Variants in ABCA13 observed in about 807,000 individuals in gnomAD.
ABCA13 encodes ATP-binding cassette sub-family A member 13.
Under a neutral mutation model 478.7 loss-of-function variants are expected in ABCA13, and 476 were observed. The ratio of observed to expected loss-of-function variants is 0.99; its 90% CI spans 0.92 to 1.07. ABCA13 has a LOEUF of 1.07. Ranked by LOEUF, ABCA13 falls within the 50% of genes least tolerant of loss-of-function variation. The pLI, the probability that ABCA13 is intolerant of heterozygous loss-of-function variation, is 0.00. For synonymous variants in ABCA13, 2,252 were observed against 2,158.9 expected, an observed-to-expected ratio of 1.04 and a Z score of -1.20; for missense variants, 6,060 against 5,910.6, an observed-to-expected ratio of 1.03 and a Z score of -0.83.
At chr7:48,219,866 T>C (rs537285885) in intron 4 of ABCA13, among the ~76,000 whole-genome samples, 2 of 146,722 alleles carry the variant, frequency 1.4e-5, no homozygotes, top group South Asian at 4.3e-4. Flanking sequence ...TTTTAAAATC[T>C]GTCCCCACCT....
chr7:48,503,893 G>A (rs1200802457), intron 48 of ABCA13, among the ~76,000 whole-genome samples: 2 of 152,100 alleles, frequency 1.3e-5, no homozygotes, highest in African/African-American at 4.8e-5. Flanking sequence ...CATAAGGGCT[G>A]TACTAATTTA....
intron 39 of ABCA13, chr7:48,404,290 T>A: frequency 3.9e-6 from 1 of 253,764 alleles, no homozygotes; most frequent in Non-Finnish European, 8.0e-6. Context: ...GAAAGTTTCC[T>A]GAACTGAGGG....
chr7:48,453,807 A>C (rs576519945), intron 42 of ABCA13, among the ~76,000 whole-genome samples: 1 of 152,130 alleles, frequency 6.6e-6, no homozygotes, highest in East Asian at 1.9e-4. Context: ...ATTTCTTTAC[A>C]TTTTTATCTC....
At chr7:48,327,907 T>G (rs1185948922) in intron 27 of ABCA13, among the ~76,000 whole-genome samples, 2 of 152,208 alleles carry the variant, frequency 1.3e-5, no homozygotes, top group Non-Finnish European at 2.9e-5. Flanking sequence ...GATATTTATT[T>G]GTTTGTAAGC....
intron 20 of ABCA13, among the ~76,000 whole-genome samples, chr7:48,292,382 C>A (rs1798660965): frequency 6.6e-6 from 1 of 152,198 alleles, no homozygotes; most frequent in Admixed American, 6.5e-5. Context: ...TCCACCAGCA[C>A]CTTTCAGATA....
chr7:48,269,056 G>C lies in ABCA13; in HGVS notation c.2082G>C (p.Leu694Phe). The change falls in exon 16 of 62, where the codon TTG becomes TTC. Residue 694 changes from leucine to phenylalanine, a missense_variant. Leu to Phe is a conservative substitution (Grantham distance 22). Transcript: ENST00000435803. ...KMISDNYFQFLNNLLKSPTAS... is the reference protein window; with the variant it reads ...KMISDNYFQFFNNLLKSPTAS... ...TCAGTGATAATTATTTTCAATTTTT[G>C]AATAACTTACTCAAGTCTCCAACAG... The C allele has an allele frequency of 1.3e-6, 2 of 1,598,134 alleles. No homozygotes were observed. Among genetic ancestry groups the C allele is most frequent in the South Asian group, 2.2e-5 (2 of 90,000 alleles).
chr7:48,603,894 C>A (rs941539032), intron 58 of ABCA13: 1 of 152,134 alleles, frequency 6.6e-6, no homozygotes, highest in Admixed American at 6.5e-5. Context: ...TTAATTACTG[C>A]CTCAATTTCA....
chr7:48,306,562 C>T (rs557861809), intron 23 of ABCA13, among the ~76,000 whole-genome samples: 1 of 152,314 alleles, frequency 6.6e-6, no homozygotes, highest in South Asian at 2.1e-4. Flanking sequence ...TGCTCCCAAC[C>T]TCCTCCTGAG....
chr7:48,589,556 T>C (rs1440560055), intron 57 of ABCA13, among the ~76,000 whole-genome samples: 1 of 152,238 alleles, frequency 6.6e-6, no homozygotes, highest in African/African-American at 2.4e-5. Flanking sequence ...TGCCATTTTT[T>C]CCCCTGTATG....
chr7:48,445,007 CTTTCT>C (rs1445634565), intron 42 of ABCA13, among the ~76,000 whole-genome samples: 8 of 114,186 alleles, frequency 7.0e-5, no homozygotes, highest in Non-Finnish European at 1.2e-4. Flanking sequence ...CTCTTTCTTT[CTTTCT>C]TTTTTTTTTT....
chr7:48,447,341 C>T (rs568445703), intron 42 of ABCA13, among the ~76,000 whole-genome samples: 1 of 152,176 alleles, frequency 6.6e-6, no homozygotes, highest in Non-Finnish European at 1.5e-5. Flanking sequence ...TGAACTGGCT[C>T]CTTCAATTCC....
At chr7:48,458,990 A>G (rs1467144878) in intron 43 of ABCA13, among the ~76,000 whole-genome samples, 1 of 152,170 alleles carries the variant, frequency 6.6e-6, no homozygotes. Context: ...CTGGTCAGCC[A>G]TTCATGACCC....
At position 48,245,725 on chromosome 7, in the gene ABCA13, A is replaced by G. The variant is rs931428898; in HGVS notation, c.1491+113A>G. 5.6e-6 allele frequency: 8 copies of G among 1,430,482 alleles called. No homozygotes were observed. In the African/African-American group the frequency reaches 1.0e-4, roughly 18 times the overall value. 88.6% of individuals were successfully genotyped at this position (1,430,482 alleles called of 1,614,324 possible). A position where few individuals can be genotyped will look rare whatever the true frequency, so the allele number is the denominator to read the frequency against. ...ATTGTGCTAGCTAAAAAAGGGAACA[A>G]TATGCAGGTTTTTCAAAACTTTATG... On this transcript the variant is annotated intron_variant, in intron 12 of 61. Transcript: ENST00000435803.
chr7:48,189,789 T>C (rs551754400), intron 1 of ABCA13, among the ~76,000 whole-genome samples: 2 of 152,270 alleles, frequency 1.3e-5, no homozygotes, highest in South Asian at 4.1e-4. Flanking sequence ...ATTGATAAAT[T>C]AATGGCATGA....
intron 38 of ABCA13, among the ~76,000 whole-genome samples, chr7:48,393,069 A>C (rs1816305387): frequency 6.6e-6 from 1 of 152,222 alleles, no homozygotes; most frequent in African/African-American, 2.4e-5. Context: ...GCCCTGGCTC[A>C]TTGGACATTG....
At chr7:48,209,714 A>G (rs566090140) in intron 3 of ABCA13, among the ~76,000 whole-genome samples, 40 of 152,316 alleles carry the variant, frequency 2.6e-4, no homozygotes, top group South Asian at 1.9e-3. Flanking sequence ...TAAAATGTCT[A>G]TGCTTCCAAA....
At chr7:48,218,031 A>G (rs1008437932) in intron 3 of ABCA13, among the ~76,000 whole-genome samples, 3 of 152,182 alleles carry the variant, frequency 2.0e-5, no homozygotes, top group Non-Finnish European at 4.4e-5. Context: ...ACAAATTAAC[A>G]TTTAATCAGG....
At chr7:48,450,967 A>G (rs1824933592) in intron 42 of ABCA13, among the ~76,000 whole-genome samples, 1 of 112,616 alleles carries the variant, frequency 8.9e-6, no homozygotes, top group African/African-American at 3.8e-5. Context: ...TCTTGTTATT[A>G]TATTCTTTTT....
chr7:48,491,590 C>G (rs1424471050), intron 48 of ABCA13, among the ~76,000 whole-genome samples: 1 of 152,166 alleles, frequency 6.6e-6, no homozygotes, highest in African/African-American at 2.4e-5. Context: ...GTTTTAAAAA[C>G]TTGAGACTAA....
Sources: gnomAD v4.1 joint callset for allele counts (sites outside exome capture counted in the v4.1 genomes callset) on GRCh38, gnomAD v4.1.1 for gene constraint, MANE v1.5 for transcripts, NCBI Gene and HGNC (gene_info 2026-07-23, HGNC 2026-07-21) for gene names.